Variants in ARFIP2 observed in about 807,000 individuals in gnomAD.
ARFIP2 encodes arfaptin-2.
In ARFIP2, 14 loss-of-function variants were observed where a neutral mutation model predicts 39.2. The observed-to-expected ratio is 0.36, with a 90% confidence interval of 0.24 to 0.56. ARFIP2 has a LOEUF of 0.56. ARFIP2 is among the 20% of genes least tolerant of loss of function. The probability of loss-of-function intolerance (pLI) is 0.85; values close to 1 mark genes in which losing one functional copy is unlikely to be tolerated. For missense variants in ARFIP2, 305 were observed against 422.5 expected (o/e 0.72, Z 2.44); for synonymous variants, 167 against 172.4 (o/e 0.97, Z 0.24).
chr11:6,478,179 G>C lies in ARFIP2; in HGVS notation c.557C>G (p.Ala186Gly), dbSNP rs764533976. 2 of 1,614,032 alleles carry C rather than the reference G, an allele frequency of 1.2e-6. No individual in the cohort carries two copies. The highest frequency in any genetic ancestry group is 1.7e-6 in the Non-Finnish European group (2 of 1,179,980). Residue 186 changes from alanine to glycine, a missense_variant, in exon 6 of 8, where the codon GCA becomes GGA. Ala to Gly is a moderately conservative substitution (Grantham distance 60). Coordinates refer to ENST00000396777, the MANE Select transcript of ARFIP2 (RefSeq NM_001376558.2). This position sits in a 1 kb window ranked among gnomAD's most constrained non-coding sequence, Gnocchi z 4.8. ...PELQEEFGYN[A>G]ETQKLLCKNG... ...CTTGCATAGTAGTTTCTGTGTCTCT[G>C]CATTGTAGCCAAATTCCTCCTGAGG...
At position 6,477,949 on chromosome 11, in the gene ARFIP2, C is replaced by A. The variant is rs1851276955; in HGVS notation, c.696-57G>T. ...CTCCTTTATCCTCAACACATACTCTCCTTTCCTTCCTGAATTCTTATGCCC... is the reference window on the plus strand; with the variant it reads ...CTCCTTTATCCTCAACACATACTCTACTTTCCTTCCTGAATTCTTATGCCC... On this transcript the variant is annotated intron_variant, in intron 6 of 7. Transcript: ENST00000396777. The surrounding 1 kb of genome is among the most constrained non-coding windows in gnomAD (Gnocchi z 4.8). The A allele has an allele frequency of 1.2e-6, 2 of 1,604,806 alleles. No individual in the cohort carries two copies. The highest frequency in any genetic ancestry group is 2.2e-5 in the South Asian group (2 of 90,570).
chr11:6,481,010 G>C (rs1453291244), intron 1 of ARFIP2: 1 of 198,842 alleles, frequency 5.0e-6, no homozygotes. Flanking sequence ...AGTTAGATCA[G>C]TGGGTGTATG....
In ARFIP2 at chr11:6,478,586, C is replaced by CT; in HGVS notation, c.537+151dup. 2 of 1,455,696 alleles carry CT rather than the reference C, an allele frequency of 1.4e-6. No individual in the cohort carries two copies. The highest frequency in any genetic ancestry group is 2.8e-5 in the South Asian group (2 of 71,520). The allele number at this position is 1,455,696 out of a possible 1,614,324, so 90.2% of individuals were successfully genotyped here. A position where few individuals can be genotyped will look rare whatever the true frequency, so the allele number is the denominator to read the frequency against. ...CTGGACCTCTGTACAAACCCTTAGG[C>CT]TGCCTCCACAGGTGAGTGCTGCTGG... On this transcript the variant is annotated intron_variant, in intron 5 of 7. Transcript: ENST00000396777. This position sits in a 1 kb window ranked among gnomAD's most constrained non-coding sequence, Gnocchi z 4.8.
Position 6,480,481 on chromosome 11 carries a change from G to T in ARFIP2, c.-42-18C>A, listed in dbSNP as rs1851619090. ...CCAGCACCCTGCAAAGCCCAACACA[G>T]AAGTTCTGGACACTGGCCAGCACTC... On this transcript the variant is annotated intron_variant, in intron 1 of 7. Transcript: ENST00000396777. 4 of 1,352,796 alleles carry T rather than the reference G, an allele frequency of 3.0e-6. No individual in the cohort carries two copies. In the Admixed American group the frequency reaches 7.3e-5, roughly 25 times the overall value. 83.8% of individuals were successfully genotyped at this position (1,352,796 alleles called of 1,614,324 possible).
In ARFIP2 at chr11:6,478,104, T is replaced by C. The variant is rs892331793; in HGVS notation, c.632A>G (p.Asn211Ser). 1.2e-6 allele frequency: 2 copies of C among 1,613,962 alleles called. No individual in the cohort carries two copies. The highest frequency in any genetic ancestry group is 2.7e-5 in the African/African-American group (2 of 74,882). Reference protein sequence around the residue: ...GAVNFFVSSINTLVTKTMEDT... With the variant: ...GAVNFFVSSISTLVTKTMEDT... ...TTCCATGGTCTTGGTGACCAATGTG[T>C]TGATGCTAGAGACAAAGAAGTTCAC... The change falls in exon 6 of 8, where the codon AAC (asparagine) becomes AGC (serine). Residue 211 changes from asparagine (N) to serine (S), a missense_variant. This residue lies in a region of ARFIP2 where 42 missense variants were observed against 101.2 expected (regional missense o/e 0.42). Transcript: ENST00000396777. The surrounding 1 kb of genome is among the most constrained non-coding windows in gnomAD (Gnocchi z 4.8).
Position 6,478,283 on chromosome 11 carries a change from G to C in ARFIP2, c.538-85C>G. 2.0e-6 allele frequency: 3 copies of C among 1,521,904 alleles called. No homozygotes were observed. The highest frequency in any genetic ancestry group is 2.7e-6 in the Non-Finnish European group (3 of 1,113,418). The allele number at this position is 1,521,904 out of a possible 1,614,324, so 94.3% of individuals were successfully genotyped here. On this transcript the variant is annotated intron_variant, in intron 5 of 7. Coordinates refer to ENST00000396777, the MANE Select transcript of ARFIP2 (RefSeq NM_001376558.2). The surrounding 1 kb of genome is among the most constrained non-coding windows in gnomAD (Gnocchi z 4.8). ...GAGCCCTTCATTCCCCTCCTCCCCG[G>C]GGAGGACACAGCCAGCAAAACTGGA...
rs1455056760 is a variant in ARFIP2 at position 6,481,324 on chromosome 11, A to C, written c.-136T>G. On this transcript the variant is annotated 5_prime_UTR_variant, in exon 1 of 8. Coordinates refer to ENST00000396777, the MANE Select transcript of ARFIP2 (RefSeq NM_001376558.2). ...CCCGTCGCGATCCTAGCAGCAGGTCAGGGACTCGGCGGAAATGACGTCCTC... is the reference window on the plus strand; with the variant it reads ...CCCGTCGCGATCCTAGCAGCAGGTCCGGGACTCGGCGGAAATGACGTCCTC... 6.0e-6 allele frequency: 5 copies of C among 831,194 alleles called. No individual in the cohort carries two copies. The highest frequency in any genetic ancestry group is 9.5e-6 in the Non-Finnish European group (5 of 526,110). The allele number at this position is 831,194 out of a possible 1,614,324, so 51.5% of individuals were successfully genotyped here. A position where few individuals can be genotyped will look rare whatever the true frequency, so the allele number is the denominator to read the frequency against.
At position 6,478,679 on chromosome 11, in the gene ARFIP2, T is replaced by C. The variant is rs181420938; in HGVS notation, c.537+59A>G. 10,348 of 1,560,640 alleles carry C rather than the reference T, an allele frequency of 6.6e-3. 57 individuals are homozygous for C. The highest frequency in any genetic ancestry group is 6.6e-3 in the Non-Finnish European group (7,553 of 1,148,984). On this transcript the variant is annotated intron_variant, in intron 5 of 7. Transcript: ENST00000396777. The surrounding 1 kb of genome is among the most constrained non-coding windows in gnomAD (Gnocchi z 4.8). ...TGCAGGAGGGAGGGAGGATGAGGAATGACTGCCTGGGAGGGCCCATGCCCA... is the reference window on the plus strand; with the variant it reads ...TGCAGGAGGGAGGGAGGATGAGGAACGACTGCCTGGGAGGGCCCATGCCCA...
Position 6,477,613 on chromosome 11 carries a change from C to A in ARFIP2, c.870+105G>T. The A allele has an allele frequency of 7.5e-7, 1 of 1,340,738 alleles. No individual in the cohort carries two copies. Among genetic ancestry groups the A allele is most frequent in the South Asian group, 1.4e-5 (1 of 72,226 alleles). The allele number at this position is 1,340,738 out of a possible 1,614,324, so 83.1% of individuals were successfully genotyped here. ...GGTTGAGGGGGTGAACACTCTACTC[C>A]CCAGCTAGGCTGCATTTCCTCATTC... On this transcript the variant is annotated intron_variant, in intron 7 of 7. Transcript: ENST00000396777. The surrounding 1 kb of genome is among the most constrained non-coding windows in gnomAD (Gnocchi z 4.8).
rs761222248 is a variant in ARFIP2, at chr11:6,477,239, G to A, written c.900C>T (p.Leu300=). ...KIKVMHKQLL[L]FHNAVSAYFA... ...AGTAGGCGGACACAGCATTGTGGAA[G>A]AGCAGCAGCTGCTTGTGCATCACCT... The change falls in exon 8 of 8, where the codon CTC becomes CTT. Residue 300 remains leucine (L), a synonymous_variant. Coordinates refer to ENST00000396777, the MANE Select transcript of ARFIP2 (RefSeq NM_001376558.2). The surrounding 1 kb of genome is among the most constrained non-coding windows in gnomAD (Gnocchi z 4.8). 3 of 1,613,516 alleles carry A rather than the reference G, an allele frequency of 1.9e-6. No individual in the cohort carries two copies. Among genetic ancestry groups the A allele is most frequent in the African/African-American group, 2.7e-5 (2 of 74,930 alleles).
rs369879203 is a variant in ARFIP2 at position 6,477,658 on chromosome 11, G to C, written c.870+60C>G. 6 of 1,574,196 alleles carry C rather than the reference G, an allele frequency of 3.8e-6. No individual in the cohort carries two copies. Among genetic ancestry groups the C allele is most frequent in the Middle Eastern group, 2.0e-4 (1 of 4,946 alleles). On this transcript the variant is annotated intron_variant, in intron 7 of 7. Transcript: ENST00000396777. The surrounding 1 kb of genome is among the most constrained non-coding windows in gnomAD (Gnocchi z 4.8). ...TCATTCAATAATGGGGAGGGTCTGA[G>C]GGGAAGGTTAGTGTTACAGATGGAA...
At position 6,476,802 on chromosome 11, in the gene ARFIP2, C is replaced by CAATG; in HGVS notation, c.*310_*311insCATT. 3.3e-6 allele frequency: 1 copy of CAATG among 304,684 alleles called. No homozygotes were observed. The highest frequency in any genetic ancestry group is 2.1e-5 in the African/African-American group (1 of 46,914). 18.9% of individuals were successfully genotyped at this position (304,684 alleles called of 1,614,324 possible). ...TCAGGCTCTGTCATTGGTCAGGGAG[C>CAATG]ACACCCCAGCCTGAAGAGTGATGCC... On this transcript the variant is annotated 3_prime_UTR_variant, in exon 8 of 8. Coordinates refer to ENST00000396777, the MANE Select transcript of ARFIP2 (RefSeq NM_001376558.2).
At chr11:6,481,157 G>A in intron 1 of ARFIP2, 74 bp downstream of exon 1, 2 of 426,856 alleles carry the variant, frequency 4.7e-6, no homozygotes, top group South Asian at 2.5e-5. Context: ...ATCCTTCCCC[G>A]GGGCTCGGGG....
At chr11:6,479,703 G>T (rs1391803218) in intron 3 of ARFIP2, 4 of 549,896 alleles carry the variant, frequency 7.3e-6, no homozygotes, top group African/African-American at 1.9e-5. Context: ...TGTAGAGGGG[G>T]GGCATTCCTG....
Position 6,478,617 on chromosome 11 carries a change from G to A in ARFIP2, c.537+121C>T, listed in dbSNP as rs763362847. ...CCACAGGTGAGTGCTGCTGGGGGTA[G>A]GGCTGGGCCCACCCTGAAGGGGTTC... is the stretch of plus-strand genomic sequence containing the variant. On this transcript the variant is annotated intron_variant, in intron 5 of 7. Transcript: ENST00000396777. This position sits in a 1 kb window ranked among gnomAD's most constrained non-coding sequence, Gnocchi z 4.8. The A allele has an allele frequency of 5.4e-6, 8 of 1,489,874 alleles. No individual in the cohort carries two copies. The highest frequency in any genetic ancestry group is 1.8e-4 in the Middle Eastern group (1 of 5,564). 92.3% of individuals were successfully genotyped at this position (1,489,874 alleles called of 1,614,324 possible). A position where few individuals can be genotyped will look rare whatever the true frequency, so the allele number is the denominator to read the frequency against.
rs147617463 is a variant in ARFIP2, at chr11:6,478,832, C to T, written c.443G>A (p.Arg148Gln). 192 of 1,614,014 alleles carry T rather than the reference C, an allele frequency of 1.2e-4. No homozygotes were observed. The highest frequency in any genetic ancestry group is 1.5e-4 in the Non-Finnish European group (172 of 1,180,018). The change falls in exon 5 of 8, where the codon CGG (arginine) becomes CAG (glutamine). Residue 148 changes from arginine (R) to glutamine (Q), a missense_variant. Transcript: ENST00000396777. This position sits in a 1 kb window ranked among gnomAD's most constrained non-coding sequence, Gnocchi z 4.8. The part of the protein sequence containing the change: ...RKYESVLQLG[R>Q]ALTAHLYSLL... ...GCTGTAGAGGTGGGCTGTCAGTGCC[C>T]GGCCCAGCTGCAGGACACTCTCATA...
intron 3 of ARFIP2, chr11:6,479,514 G>T: frequency 3.2e-6 from 2 of 630,010 alleles, no homozygotes; most frequent in African/African-American, 1.8e-5. Flanking sequence ...AGAGGAAACA[G>T]AAGAAAATAC....
chr11:6,478,726 TG>T lies in ARFIP2; in HGVS notation c.537+11del. On this transcript the variant is annotated intron_variant, in intron 5 of 7. Coordinates refer to ENST00000396777, the MANE Select transcript of ARFIP2 (RefSeq NM_001376558.2). The surrounding 1 kb of genome is among the most constrained non-coding windows in gnomAD (Gnocchi z 4.8). ...CCCAGTTCCCCCACCCTCTTTGGTC[TG>T]GGTGAGGCACCTGAAGCTCTGGGGA... 1 of 1,605,286 alleles carries T rather than the reference TG, an allele frequency of 6.2e-7. No individual in the cohort carries two copies. The highest frequency in any genetic ancestry group is 1.1e-5 in the South Asian group (1 of 90,684).
At chr11:6,479,724 C>A in intron 3 of ARFIP2, 1 of 563,478 alleles carries the variant, frequency 1.8e-6, no homozygotes, top group Non-Finnish European at 3.1e-6. Flanking sequence ...TGAAGCAGGT[C>A]TTAACTTGAC....
Sources: allele counts gnomAD v4.1 joint callset, GRCh38; gene constraint gnomAD v4.1.1; regional missense constraint gnomAD v4.1.1; non-coding constraint Gnocchi (gnomAD v3.1); transcripts MANE v1.5; gene names NCBI Gene and HGNC (gene_info 2026-07-23, HGNC 2026-07-21).